Variants in PKNOX2 observed in about 807,000 individuals in gnomAD.
PKNOX2 encodes PBX/knotted 1 homeobox 2, also known as homeobox protein PKNOX2.
A neutral mutation model predicts 53.1 loss-of-function variants in PKNOX2; 14 were observed. The ratio of observed to expected loss-of-function variants is 0.26; its 90% CI spans 0.17 to 0.41. The LOEUF (loss-of-function observed/expected upper bound fraction) is 0.41. PKNOX2 is among the 10% of genes least tolerant of loss of function. The pLI, the probability that PKNOX2 is intolerant of heterozygous loss-of-function variation, is 1.00. For synonymous variants in PKNOX2, 257 were observed against 242.8 expected (o/e 1.06, Z -0.54); for missense variants, 496 against 602.8 (o/e 0.82, Z 1.85).
At chr11:125,272,851 C>T (rs1275929618) in intron 2 of PKNOX2, among the ~76,000 whole-genome samples, 3 of 152,202 alleles carry the variant, frequency 2.0e-5, no homozygotes, top group African/African-American at 4.8e-5. Context: ...GAATTGACTT[C>T]TCCGCCTGCC....
intron 2 of PKNOX2, among the ~76,000 whole-genome samples, chr11:125,271,516 C>T (rs1287902933): frequency 2.0e-5 from 3 of 152,214 alleles, no homozygotes; most frequent in African/African-American, 7.2e-5. Flanking sequence ...CTCTCAGCCC[C>T]ACTCCTGTTT....
At chr11:125,429,451 C>T (rs538813530) in intron 11 of PKNOX2, among the ~76,000 whole-genome samples, 5 of 152,310 alleles carry the variant, frequency 3.3e-5, no homozygotes, top group Middle Eastern at 3.4e-3. Context: ...TCTTCCCCAC[C>T]CCCATGTGAA....
chr11:125,249,199 C>T (rs2135663523), intron 2 of PKNOX2, among the ~76,000 whole-genome samples: 1 of 151,838 alleles, frequency 6.6e-6, no homozygotes, highest in African/African-American at 2.4e-5. Flanking sequence ...ACATGGCAGG[C>T]ACTTGCAAAT....
At chr11:125,303,813 A>G (rs2135970155) in intron 2 of PKNOX2, among the ~76,000 whole-genome samples, 1 of 152,356 alleles carries the variant, frequency 6.6e-6, no homozygotes, top group East Asian at 1.9e-4. Flanking sequence ...TGTGTCGTCT[A>G]AGGGGAGAGA....
At chr11:125,405,868 C>A (rs1320351615) in intron 7 of PKNOX2, among the ~76,000 whole-genome samples, 2 of 152,184 alleles carry the variant, frequency 1.3e-5, no homozygotes, top group Non-Finnish European at 2.9e-5. Flanking sequence ...AGGCCTCAGG[C>A]AGTTTCCAGA....
At chr11:125,315,700 G>A (rs1270901755) in intron 2 of PKNOX2, among the ~76,000 whole-genome samples, 1 of 152,170 alleles carries the variant, frequency 6.6e-6, no homozygotes, top group Non-Finnish European at 1.5e-5. Context: ...AGCCAGCCTG[G>A]GAGTGGGCAG....
At chr11:125,296,296 C>T (rs771081509) in intron 2 of PKNOX2, among the ~76,000 whole-genome samples, 5 of 152,186 alleles carry the variant, frequency 3.3e-5, no homozygotes, top group Non-Finnish European at 7.3e-5. Context: ...AGAATGAACA[C>T]TCAAAGTCTA....
Position 125,407,354 on chromosome 11 carries a change from A to G in PKNOX2, c.589-2842A>G, listed in dbSNP as rs551074383. ...GCTCACCCTCTGCCTTTGGCTAGGAAACAATGTGTGTTGGTTGAATCCCAA... is the reference window on the plus strand; with the variant it reads ...GCTCACCCTCTGCCTTTGGCTAGGAGACAATGTGTGTTGGTTGAATCCCAA... On this transcript the variant is annotated intron_variant, in intron 7 of 12. Coordinates refer to ENST00000298282, the MANE Select transcript of PKNOX2 (RefSeq NM_001382323.2). Among the ~76,000 whole-genome samples, 4 of 152,336 alleles carry G rather than the reference A, an allele frequency of 2.6e-5. No homozygotes were observed. The South Asian group carries it at 8.3e-4, about 32-fold the overall frequency.
intron 6 of PKNOX2, among the ~76,000 whole-genome samples, chr11:125,389,942 G>A (rs946030501): frequency 6.6e-6 from 1 of 152,178 alleles, no homozygotes; most frequent in African/African-American, 2.4e-5. Flanking sequence ...AAGAGGCAGG[G>A]CCAGAGGCGG....
At chr11:125,232,595 T>C (rs1166469617) in intron 1 of PKNOX2, among the ~76,000 whole-genome samples, 1 of 152,220 alleles carries the variant, frequency 6.6e-6, no homozygotes, top group South Asian at 2.1e-4. Context: ...CCACTAGACA[T>C]CTTCTCTCTC....
chr11:125,329,763 G>T (rs1156904311), intron 2 of PKNOX2, among the ~76,000 whole-genome samples: 3 of 152,216 alleles, frequency 2.0e-5, no homozygotes, highest in African/African-American at 7.2e-5. Flanking sequence ...GTGGGAAGTT[G>T]TGGACGGGTT....
At position 125,169,304 on chromosome 11, in the gene PKNOX2, C is replaced by T. The variant is rs550520003; in HGVS notation, c.-201+4528C>T. 5.3e-5 allele frequency among the ~76,000 whole-genome samples: 8 copies of T among 152,278 alleles called. No homozygotes were observed. In the South Asian group the frequency reaches 8.3e-4, roughly 16 times the overall value. ...TGTATAAAACACTTCACGTGAGATC[C>T]GTGACTTATTGAAGACTGAATTATA... is the stretch of plus-strand genomic sequence containing the variant. On this transcript the variant is annotated intron_variant, in intron 1 of 12. Coordinates refer to ENST00000298282, the MANE Select transcript of PKNOX2 (RefSeq NM_001382323.2).
At chr11:125,420,511 G>A (rs982914363) in intron 10 of PKNOX2, among the ~76,000 whole-genome samples, 5 of 143,716 alleles carry the variant, frequency 3.5e-5, no homozygotes, top group Non-Finnish European at 6.2e-5. Flanking sequence ...GGGTGACAGA[G>A]CAAGACTCCA....
rs546872334 is a variant in PKNOX2 at position 125,413,009 on chromosome 11, C to T, written c.936+1144C>T. On this transcript the variant is annotated intron_variant, in intron 10 of 12. Coordinates refer to ENST00000298282, the MANE Select transcript of PKNOX2 (RefSeq NM_001382323.2). ...TTGGGAAGTGCTGGACCTTCCTGTG[C>T]ACCCAAGAGACTGGAAGGATTACCT... 6.0e-4 allele frequency among the ~76,000 whole-genome samples: 92 copies of T among 152,222 alleles called. 1 individual carries two copies. Among genetic ancestry groups the T allele is most frequent in the African/African-American group, 2.1e-3 (87 of 41,556 alleles).
intron 1 of PKNOX2, among the ~76,000 whole-genome samples, chr11:125,197,009 C>T (rs1191769145): frequency 6.6e-6 from 1 of 152,186 alleles, no homozygotes; most frequent in Non-Finnish European, 1.5e-5. Flanking sequence ...AATTTAAATG[C>T]ATTAAATGAA....
rs1254098789 is a variant in PKNOX2, at chr11:125,235,088, C to G, written c.-157C>G. 2.0e-5 allele frequency: 3 copies of G among 152,674 alleles called. No homozygotes were observed. The highest frequency in any genetic ancestry group is 6.5e-5 in the Admixed American group (1 of 15,274). The allele number at this position is 152,674 out of a possible 1,614,324, so 9.5% of individuals were successfully genotyped here. ...CTTCTGAGGCTTTCTATCCTCCATG[C>G]TGCTCACTAGAAAAGGGGCTGTGAA... is the stretch of plus-strand genomic sequence containing the variant. On this transcript the variant is annotated 5_prime_UTR_variant, in exon 2 of 13. Transcript: ENST00000298282.
chr11:125,229,037 T>C (rs1047531061), intron 1 of PKNOX2, among the ~76,000 whole-genome samples: 5 of 152,166 alleles, frequency 3.3e-5, no homozygotes, highest in African/African-American at 1.2e-4. Context: ...CCCCAGCTCT[T>C]TCCCGACTAG....
intron 1 of PKNOX2, among the ~76,000 whole-genome samples, chr11:125,213,945 G>GCA (rs1940187175): frequency 6.6e-6 from 1 of 152,086 alleles, no homozygotes; most frequent in African/African-American, 2.4e-5. Flanking sequence ...GAGGGCCAGG[G>GCA]AGGGGTTTCC....
chr11:125,248,852 CATATATA>C (rs1234488420), intron 2 of PKNOX2, among the ~76,000 whole-genome samples: 1 of 144,184 alleles, frequency 6.9e-6, no homozygotes, highest in African/African-American at 2.6e-5. Context: ...ATCCATATAA[CATATATA>C]ATATATATAT....
Sources: gnomAD v4.1 joint callset for allele counts (sites outside exome capture counted in the v4.1 genomes callset) on GRCh38, gnomAD v4.1.1 for gene constraint, MANE v1.5 for transcripts, NCBI Gene and HGNC (gene_info 2026-07-23, HGNC 2026-07-21) for gene names.